Variants in RILP observed in about 807,000 individuals in gnomAD.
RILP encodes the protein rab-interacting lysosomal protein.
In RILP, 53 loss-of-function variants were observed where a neutral mutation model predicts 40.0. That is an observed-to-expected ratio of 1.32 (90% CI 1.06 to 1.66). The LOEUF (loss-of-function observed/expected upper bound fraction) is 1.66. Ranked by LOEUF, RILP falls within the 40% of genes most tolerant of loss-of-function variation. The probability of loss-of-function intolerance (pLI) is 0.00; values close to 1 mark genes in which losing one functional copy is unlikely to be tolerated. For missense variants in RILP, 626 were observed against 551.7 expected, an observed-to-expected ratio of 1.13 and a Z score of -1.35; for synonymous variants, 272 against 250.6, an observed-to-expected ratio of 1.09 and a Z score of -0.80.
At position 1,647,935 on chromosome 17, in the gene RILP, C is replaced by T. The variant is rs761914760; in HGVS notation, c.844G>A (p.Val282Ile). The T allele has an allele frequency of 1.9e-6, 3 of 1,614,096 alleles. No individual in the cohort carries two copies. In the East Asian group the frequency reaches 6.7e-5, roughly 36 times the overall value. The change falls in exon 6 of 8, where the codon GTC (valine) becomes ATC (isoleucine). Residue 282 changes from valine (V) to isoleucine (I), a missense_variant. By Grantham distance (29) the Val-to-Ile change is conservative. Transcript: ENST00000301336. The stretch of plus-strand genomic sequence containing the variant: ...ATGGCCTCGAGCAGAAGGCCGGGGA[C>T]CCGGTGGTCTGTGAGCAGCTCCCTA... ...FQRELLTDHR[V>I]PGLLLEAMKV...
Position 1,649,143 on chromosome 17 carries a change from C to T in RILP, c.429+57G>A, listed in dbSNP as rs1597219784. The T allele has an allele frequency of 5.7e-6, 7 of 1,236,866 alleles. No homozygotes were observed. The East Asian group carries it at 2.4e-4, about 42-fold the overall frequency. The allele number at this position is 1,236,866 out of a possible 1,614,324, so 76.6% of individuals were successfully genotyped here. On this transcript the variant is annotated intron_variant, in intron 3 of 7. Transcript: ENST00000301336. This position sits in a 1 kb window ranked among gnomAD's most constrained non-coding sequence, Gnocchi z 4.3. The stretch of plus-strand genomic sequence containing the variant: ...CTCCGCCCCCGCCCCCGGAGCCCCG[C>T]CCAGCGCCTGCCACGCTCCGCCCCC...
Position 1,646,295 on chromosome 17 carries a change from T to G in RILP, c.*147A>C. On this transcript the variant is annotated 3_prime_UTR_variant, in exon 8 of 8. Transcript: ENST00000301336. This position sits in a 1 kb window ranked among gnomAD's most constrained non-coding sequence, Gnocchi z 4.3. Reference sequence around the variant, plus strand: ...CTTATATCTGGCCCCAGAGGCTCGGTACAGAGACGTAGAGAGGGAGGCGGG... The same window carrying G: ...CTTATATCTGGCCCCAGAGGCTCGGGACAGAGACGTAGAGAGGGAGGCGGG... 1 of 681,472 alleles carries G rather than the reference T, an allele frequency of 1.5e-6. No homozygotes were observed. The allele number at this position is 681,472 out of a possible 1,614,324, so 42.2% of individuals were successfully genotyped here. A position where few individuals can be genotyped will look rare whatever the true frequency, so the allele number is the denominator to read the frequency against.
rs1227192763 is a variant in RILP at position 1,648,459 on chromosome 17, C to A, written c.712G>T (p.Ala238Ser). ...TCCCGACTGAAGCGGCACTGCCCTG[C>A]CTCCGAGGGGCGCCCGAGCTGCTGC... Reference protein sequence around the residue: ...AAQQLGRPSEAGQCRFSREEF... With the variant: ...AAQQLGRPSESGQCRFSREEF... The change falls in exon 5 of 8, where the codon GCA (alanine) becomes TCA (serine). Residue 238 changes from alanine (A) to serine (S), a missense_variant. Ala to Ser is a moderately conservative substitution (Grantham distance 99). Transcript: ENST00000301336. The surrounding 1 kb of genome is among the most constrained non-coding windows in gnomAD (Gnocchi z 4.9). The A allele has an allele frequency of 6.2e-7, 1 of 1,613,906 alleles. No individual in the cohort carries two copies. Among genetic ancestry groups the A allele is most frequent in the East Asian group, 2.2e-5 (1 of 44,886 alleles).
chr17:1,648,473 C>A lies in RILP; in HGVS notation c.698G>T (p.Gly233Val), dbSNP rs149225618. 3.1e-6 allele frequency: 5 copies of A among 1,613,506 alleles called. No homozygotes were observed. The African/African-American group carries it at 4.0e-5, about 13-fold the overall frequency. Residue 233 changes from glycine to valine, a missense_variant, in exon 5 of 8, where the codon GGG (glycine) becomes GTG (valine). Coordinates refer to ENST00000301336, the MANE Select transcript of RILP (RefSeq NM_031430.3). This position sits in a 1 kb window ranked among gnomAD's most constrained non-coding sequence, Gnocchi z 4.9. The part of the protein sequence containing the change: ...EDPAEAAQQL[G>V]RPSEAGQCRF... ...GCACTGCCCTGCCTCCGAGGGGCGC[C>A]CGAGCTGCTGCGCGGCCTCCGCCTT...
chr17:1,646,355 T>C lies in RILP; in HGVS notation c.*87A>G, dbSNP rs756502410. ...CGTCCTGCCCTGATGCAGGCCAGGA[T>C]TGGGGCAGACCCCTGGCGAGGGCTG... On this transcript the variant is annotated 3_prime_UTR_variant, in exon 8 of 8. Transcript: ENST00000301336. The surrounding 1 kb of genome is among the most constrained non-coding windows in gnomAD (Gnocchi z 4.3). 1.3e-5 allele frequency: 17 copies of C among 1,321,774 alleles called. No homozygotes were observed. Among genetic ancestry groups the C allele is most frequent in the African/African-American group, 4.4e-5 (3 of 67,482 alleles). The allele number at this position is 1,321,774 out of a possible 1,614,324, so 81.9% of individuals were successfully genotyped here. A position where few individuals can be genotyped will look rare whatever the true frequency, so the allele number is the denominator to read the frequency against.
Position 1,649,602 on chromosome 17 carries a change from G to A in RILP, c.203C>T (p.Ala68Val), listed in dbSNP as rs944694610. The A allele has an allele frequency of 8.3e-6, 13 of 1,574,352 alleles. No homozygotes were observed. The highest frequency in any genetic ancestry group is 1.8e-5 in the Admixed American group (1 of 57,082). ...VVRALELLEQAAVGPAPDSLQ... is the reference protein window; with the variant it reads ...VVRALELLEQVAVGPAPDSLQ... Reference sequence around the variant, plus strand: ...CGAGTCCGGGGCGGGCCCCACGGCAGCCTGTTCCAAGAGCTCCAGCGCCCG... The same window carrying A: ...CGAGTCCGGGGCGGGCCCCACGGCAACCTGTTCCAAGAGCTCCAGCGCCCG... The change falls in exon 1 of 8, where the codon GCT becomes GTT. Residue 68 changes from alanine (A) to valine (V), a missense_variant. By Grantham distance (64) the Ala-to-Val change is moderately conservative. Transcript: ENST00000301336. This position sits in a 1 kb window ranked among gnomAD's most constrained non-coding sequence, Gnocchi z 4.3.
chr17:1,649,256 C>A lies in RILP; in HGVS notation c.373G>T (p.Asp125Tyr). 1 of 1,500,656 alleles carries A rather than the reference C, an allele frequency of 6.7e-7. No individual in the cohort carries two copies. The highest frequency in any genetic ancestry group is 8.8e-7 in the Non-Finnish European group (1 of 1,132,234). The allele number at this position is 1,500,656 out of a possible 1,614,324, so 93.0% of individuals were successfully genotyped here. A position where few individuals can be genotyped will look rare whatever the true frequency, so the allele number is the denominator to read the frequency against. The stretch of plus-strand genomic sequence containing the variant: ...TCGCGGTTGTGCGCCCGGAGTTCGT[C>A]CCGCTGTCGGTCCGTGACCTCCTTG... ...QLKEVTDRQR[D>Y]ELRAHNRDLR... Residue 125 changes from aspartate (D) to tyrosine (Y), a missense_variant, in exon 3 of 8, where the codon GAC (aspartate) becomes TAC (tyrosine). Coordinates refer to ENST00000301336, the MANE Select transcript of RILP (RefSeq NM_031430.3). This position sits in a 1 kb window ranked among gnomAD's most constrained non-coding sequence, Gnocchi z 4.3.
Position 1,649,244 on chromosome 17 carries a change from C to G in RILP, c.385G>C (p.Ala129Pro). 2.0e-6 allele frequency: 3 copies of G among 1,502,906 alleles called. No homozygotes were observed. Among genetic ancestry groups the G allele is most frequent in the Non-Finnish European group, 2.6e-6 (3 of 1,133,854 alleles). 93.1% of individuals were successfully genotyped at this position (1,502,906 alleles called of 1,614,324 possible). ...VTDRQRDELRAHNRDLRQRGQ... is the reference protein window; with the variant it reads ...VTDRQRDELRPHNRDLRQRGQ... Reference sequence around the variant, plus strand: ...CGCTGCCGCAGGTCGCGGTTGTGCGCCCGGAGTTCGTCCCGCTGTCGGTCC... The same window carrying G: ...CGCTGCCGCAGGTCGCGGTTGTGCGGCCGGAGTTCGTCCCGCTGTCGGTCC... The change falls in exon 3 of 8, where the codon GCG (alanine) becomes CCG (proline). Residue 129 changes from alanine to proline, a missense_variant. Physicochemically the swap from Ala to Pro is conservative, Grantham distance 27. Transcript: ENST00000301336. The surrounding 1 kb of genome is among the most constrained non-coding windows in gnomAD (Gnocchi z 4.3).
chr17:1,649,862 A>G lies in RILP; in HGVS notation c.-58T>C. On this transcript the variant is annotated 5_prime_UTR_variant, in exon 1 of 8. Coordinates refer to ENST00000301336, the MANE Select transcript of RILP (RefSeq NM_031430.3). This position sits in a 1 kb window ranked among gnomAD's most constrained non-coding sequence, Gnocchi z 4.3. The stretch of plus-strand genomic sequence containing the variant: ...ACCCCACCCTCCACTGGGACGGGGA[A>G]AAGCGAAACAGTTCCGCCCCAGGAA... 4.4e-6 allele frequency: 6 copies of G among 1,378,852 alleles called. No individual in the cohort carries two copies. The Admixed American group carries it at 9.3e-5, about 21-fold the overall frequency. The allele number at this position is 1,378,852 out of a possible 1,614,324, so 85.4% of individuals were successfully genotyped here.
chr17:1,649,640 C>G lies in RILP; in HGVS notation c.165G>C (p.Val55=). 6.3e-7 allele frequency: 1 copy of G among 1,586,332 alleles called. No individual in the cohort carries two copies. The highest frequency in any genetic ancestry group is 8.5e-7 in the Non-Finnish European group (1 of 1,174,134). ...GCTCCAGCGCCCGCACCACTAGCGG[C>G]ACCAGCCCGGCCGCCGCCTCCGGCC... ...RFGPEAAAGL[V]PLVVRALELL... is the part of the protein sequence containing the mutation. Residue 55 remains valine, a synonymous_variant, in exon 1 of 8, where the codon GTG becomes GTC. Coordinates refer to ENST00000301336, the MANE Select transcript of RILP (RefSeq NM_031430.3). The surrounding 1 kb of genome is among the most constrained non-coding windows in gnomAD (Gnocchi z 4.3).
chr17:1,648,186 T>C lies in RILP; in HGVS notation c.821+164A>G, dbSNP rs982054461. On this transcript the variant is annotated intron_variant, in intron 5 of 7. Coordinates refer to ENST00000301336, the MANE Select transcript of RILP (RefSeq NM_031430.3). The surrounding 1 kb of genome is among the most constrained non-coding windows in gnomAD (Gnocchi z 4.9). ...CTGCTGCAGCTGCAACCCTTTGTACTGTCCCTCTCCCCTGTCTGGATGACA... is the reference window on the plus strand; with the variant it reads ...CTGCTGCAGCTGCAACCCTTTGTACCGTCCCTCTCCCCTGTCTGGATGACA... Among the ~76,000 whole-genome samples, 1 of 152,224 alleles carries C rather than the reference T, an allele frequency of 6.6e-6. No individual in the cohort carries two copies. Among genetic ancestry groups the C allele is most frequent in the Non-Finnish European group, 1.5e-5 (1 of 68,038 alleles).
In RILP at chr17:1,648,790, G is replaced by A. The variant is rs375926334; in HGVS notation, c.675+9C>T. ...CTGGGCTGGGTCCTTGCCCTCATAC[G>A]GCACTCACCGGGTCCTCAGGGTTCC... On this transcript the variant is annotated intron_variant, in intron 4 of 7. Coordinates refer to ENST00000301336, the MANE Select transcript of RILP (RefSeq NM_031430.3). This position sits in a 1 kb window ranked among gnomAD's most constrained non-coding sequence, Gnocchi z 4.9. The A allele has an allele frequency of 5.5e-5, 83 of 1,499,476 alleles. No homozygotes were observed. In the African/African-American group the frequency reaches 1.1e-3, roughly 19 times the overall value. 92.9% of individuals were successfully genotyped at this position (1,499,476 alleles called of 1,614,324 possible).
At position 1,646,743 on chromosome 17, in the gene RILP, AG is replaced by A; in HGVS notation, c.1029-125del. The A allele has an allele frequency of 8.7e-7, 1 of 1,147,350 alleles. No homozygotes were observed. Among genetic ancestry groups the A allele is most frequent in the Non-Finnish European group, 1.2e-6 (1 of 807,114 alleles). The allele number at this position is 1,147,350 out of a possible 1,614,324, so 71.1% of individuals were successfully genotyped here. A position where few individuals can be genotyped will look rare whatever the true frequency, so the allele number is the denominator to read the frequency against. ...GAAAGGGCAGCCTGAGGGAGTGTGA[AG>A]GTGATGGGGGCCAGGGCCAGAGAAG... On this transcript the variant is annotated intron_variant, in intron 7 of 7. Transcript: ENST00000301336. This position sits in a 1 kb window ranked among gnomAD's most constrained non-coding sequence, Gnocchi z 4.3.
chr17:1,646,901 C>A lies in RILP; in HGVS notation c.1028+5G>T. Reference sequence around the variant, plus strand: ...ACTCTTGCCTTTCCCCTTTCCCCAACATACAAACTCTGTATTTTGGACTCC... The same window carrying A: ...ACTCTTGCCTTTCCCCTTTCCCCAAAATACAAACTCTGTATTTTGGACTCC... On this transcript the variant is annotated splice_donor_5th_base_variant and intron_variant, in intron 7 of 7. Transcript: ENST00000301336. The surrounding 1 kb of genome is among the most constrained non-coding windows in gnomAD (Gnocchi z 4.3). 1 of 1,584,622 alleles carries A rather than the reference C, an allele frequency of 6.3e-7. No homozygotes were observed. The highest frequency in any genetic ancestry group is 8.6e-7 in the Non-Finnish European group (1 of 1,163,828).
Position 1,648,065 on chromosome 17 carries a change from G to T in RILP, c.822-108C>A. The T allele has an allele frequency of 7.0e-7, 1 of 1,438,274 alleles. No individual in the cohort carries two copies. Among genetic ancestry groups the T allele is most frequent in the Non-Finnish European group, 9.5e-7 (1 of 1,054,464 alleles). The allele number at this position is 1,438,274 out of a possible 1,614,324, so 89.1% of individuals were successfully genotyped here. ...CTCACTCCTGGTACCTGTGCACGCA[G>T]CTCTTCCCTGAACACGGGAAGCGCT... On this transcript the variant is annotated intron_variant, in intron 5 of 7. Transcript: ENST00000301336. The surrounding 1 kb of genome is among the most constrained non-coding windows in gnomAD (Gnocchi z 4.9).
rs1236494890 is a variant in RILP, at chr17:1,648,275, G to A, written c.821+75C>T. The A allele has an allele frequency of 1.9e-6, 3 of 1,544,258 alleles. No individual in the cohort carries two copies. The highest frequency in any genetic ancestry group is 1.4e-5 in the African/African-American group (1 of 73,998). ...AGTTCCCAGCGCAGGCCTGGCACAT[G>A]TCACTGTGGACATGTCAATGACTGG... On this transcript the variant is annotated intron_variant, in intron 5 of 7. Coordinates refer to ENST00000301336, the MANE Select transcript of RILP (RefSeq NM_031430.3). This position sits in a 1 kb window ranked among gnomAD's most constrained non-coding sequence, Gnocchi z 4.9.
At position 1,648,833 on chromosome 17, in the gene RILP, G is replaced by A; in HGVS notation, c.641C>T (p.Ala214Val). ...QHGQEPEWAT[A>V]GAGAPGNPED... ...AGGGTTCCCTGGGGCGCCTGCGCCG[G>A]CGGTCGCCCATTCGGGCTCCTGTCC... Residue 214 changes from alanine to valine, a missense_variant, in exon 4 of 8, where the codon GCC (alanine) becomes GTC (valine). Physicochemically the swap from Ala to Val is moderately conservative, Grantham distance 64 (BLOSUM62 0). Coordinates refer to ENST00000301336, the MANE Select transcript of RILP (RefSeq NM_031430.3). This position sits in a 1 kb window ranked among gnomAD's most constrained non-coding sequence, Gnocchi z 4.9. 1 of 1,535,678 alleles carries A rather than the reference G, an allele frequency of 6.5e-7. No homozygotes were observed. Among genetic ancestry groups the A allele is most frequent in the Non-Finnish European group, 8.7e-7 (1 of 1,151,906 alleles).
At position 1,646,863 on chromosome 17, in the gene RILP, C is replaced by A. The variant is rs368935398; in HGVS notation, c.1028+43G>T. 4.2e-6 allele frequency: 6 copies of A among 1,442,016 alleles called. No homozygotes were observed. The highest frequency in any genetic ancestry group is 5.7e-6 in the Non-Finnish European group (6 of 1,056,184). The allele number at this position is 1,442,016 out of a possible 1,614,324, so 89.3% of individuals were successfully genotyped here. On this transcript the variant is annotated intron_variant, in intron 7 of 7. Coordinates refer to ENST00000301336, the MANE Select transcript of RILP (RefSeq NM_031430.3). This position sits in a 1 kb window ranked among gnomAD's most constrained non-coding sequence, Gnocchi z 4.3. Reference sequence around the variant, plus strand: ...CTGAGAAGGACCAGCCAGGGCCCTTCCTCCCTCCCCACACTCTTGCCTTTC... The same window carrying A: ...CTGAGAAGGACCAGCCAGGGCCCTTACTCCCTCCCCACACTCTTGCCTTTC...
In RILP at chr17:1,649,459, C is replaced by A; in HGVS notation, c.275G>T (p.Arg92Leu). The change falls in exon 2 of 8, where the codon CGG becomes CTG. Residue 92 changes from arginine to leucine, a missense_variant. By Grantham distance (102) the Arg-to-Leu change is moderately radical (BLOSUM62 -2). Transcript: ENST00000301336. This position sits in a 1 kb window ranked among gnomAD's most constrained non-coding sequence, Gnocchi z 4.3. ...QPAEQELRRL[R>L]EENERLRREL... ...CCTGCGGAGGCGCTCGTTCTCCTCC[C>A]GCAGCCGCCGCAGCTCCTGCTCCGC... 2 of 1,511,228 alleles carry A rather than the reference C, an allele frequency of 1.3e-6. No individual in the cohort carries two copies. Among genetic ancestry groups the A allele is most frequent in the Non-Finnish European group, 1.8e-6 (2 of 1,137,504 alleles). The allele number at this position is 1,511,228 out of a possible 1,614,324, so 93.6% of individuals were successfully genotyped here.
Sources: allele counts gnomAD v4.1 joint callset (sites outside exome capture counted in the v4.1 genomes callset), GRCh38; gene constraint gnomAD v4.1.1; non-coding constraint Gnocchi (gnomAD v3.1); transcripts MANE v1.5; gene names NCBI Gene and HGNC (gene_info 2026-07-23, HGNC 2026-07-21).